The following C5 variants were observed in gnomAD, a reference collection of about 807,000 sequenced individuals.
The protein encoded by C5 is complement C5.
A neutral mutation model predicts 218.8 loss-of-function variants in C5; 140 were observed. The observed-to-expected ratio is 0.64, with a 90% CI of 0.56 to 0.74. C5 has a LOEUF of 0.74. Among genes scored for constraint, C5 ranks in the 30% least tolerant of loss-of-function variants. C5 has a pLI of 0.00. For synonymous variants in C5, 614 were observed against 682.3 expected (o/e 0.90, Z 1.56); for missense variants, 1,700 against 1,969.6 (o/e 0.86, Z 2.59).
rs141698150 is a variant in C5 at position 120,961,904 on chromosome 9, A to C, written c.4505-339T>G. Among the ~76,000 whole-genome samples the C allele has an allele frequency of 5.3e-5, 8 of 152,320 alleles. No individual in the cohort carries two copies. The East Asian group carries it at 1.5e-3, about 29-fold the overall frequency. On this transcript the variant is annotated intron_variant, in intron 36 of 40. Transcript: ENST00000223642. Reference sequence around the variant, plus strand: ...TGTTTAGGGTGGACAAGGGAAGAAAAGCATATATCTATGTATCTCTATATA... The same window carrying C: ...TGTTTAGGGTGGACAAGGGAAGAAACGCATATATCTATGTATCTCTATATA...
chr9:121,068,107 A>G, the C5 span, among the ~76,000 whole-genome samples: 22 of 152,222 alleles, frequency 1.4e-4, no homozygotes, highest in Non-Finnish European at 2.9e-4. Context: ...ACTTCTAATC[A>G]ACATAGATTG....
Position 120,980,139 on chromosome 9 carries a change from G to C in C5, c.3602C>G (p.Thr1201Ser). Residue 1201 changes from threonine (T) to serine (S), a missense_variant, in exon 28 of 41, where the codon ACT (threonine) becomes AGT (serine). Physicochemically the swap from Thr to Ser is moderately conservative, Grantham distance 58. Coordinates refer to ENST00000223642, the MANE Select transcript of C5 (RefSeq NM_001735.3). ...AACAATTGAACGAAACTGTGGGTGA[G>C]TTTTATCTCCCAGGGAAAGAGCATA... is the stretch of plus-strand genomic sequence containing the variant. ...SAYALSLGDK[T>S]HPQFRSIVSA... 6.2e-7 allele frequency: 1 copy of C among 1,614,108 alleles called. No homozygotes were observed. Among genetic ancestry groups the C allele is most frequent in the Non-Finnish European group, 8.5e-7 (1 of 1,179,988 alleles).
chr9:120,982,641 T>C lies in C5; in HGVS notation c.3390+14A>G, dbSNP rs2047003392. ...AATAAAACTATTGCTAATTTGTGCATTTGGTTTCCTTACCTGTAATTTTAT... is the reference window on the plus strand; with the variant it reads ...AATAAAACTATTGCTAATTTGTGCACTTGGTTTCCTTACCTGTAATTTTAT... On this transcript the variant is annotated intron_variant, in intron 26 of 40. Transcript: ENST00000223642. The C allele has an allele frequency of 1.3e-6, 2 of 1,581,460 alleles. No homozygotes were observed. Among genetic ancestry groups the C allele is most frequent in the East Asian group, 2.2e-5 (1 of 44,518 alleles).
the C5 span, chr9:121,074,841 G>A: frequency 2.2e-6 from 1 of 456,236 alleles, no homozygotes; most frequent in Non-Finnish European, 4.4e-6. Context: ...CGGCATCCTA[G>A]CGCGCTGGCT....
the C5 span, among the ~76,000 whole-genome samples, chr9:121,063,543 T>C: frequency 1.6e-4 from 25 of 152,250 alleles, no homozygotes; most frequent in African/African-American, 5.8e-4. Context: ...ATTATATCTT[T>C]TCCTTGTATG....
chr9:120,997,486 C>G (rs1389257844), intron 21 of C5, 61 bp downstream of exon 21: 15 of 1,228,632 alleles, frequency 1.2e-5, no homozygotes, highest in Middle Eastern at 2.6e-4. Context: ...TCTCCCCCCC[C>G]TTTCTGTGTC....
intron 38 of C5, 80 bp downstream of exon 38, chr9:120,960,168 A>G (rs1172591279): frequency 1.1e-6 from 1 of 878,998 alleles, no homozygotes; most frequent in Non-Finnish European, 1.9e-6. Context: ...ATCACTATAT[A>G]AAGTTTTTGA....
intron 6 of C5, among the ~76,000 whole-genome samples, chr9:121,031,282 T>C (rs1239494918): frequency 6.6e-6 from 1 of 152,144 alleles, no homozygotes; most frequent in Non-Finnish European, 1.5e-5. Context: ...ATTAATATAA[T>C]TTATTTCAAA....
At chr9:121,008,385 G>T in intron 18 of C5, 23 bp downstream of exon 18, 1 of 1,551,346 alleles carries the variant, frequency 6.4e-7, no homozygotes, top group Non-Finnish European at 8.9e-7. Context: ...TTCTTTCAAG[G>T]AAACATGAAA....
chr9:121,001,857 C>A (rs1472645225), intron 20 of C5, among the ~76,000 whole-genome samples: 1 of 151,868 alleles, frequency 6.6e-6, no homozygotes, highest in Non-Finnish European at 1.5e-5. Flanking sequence ...TAGTTCACTC[C>A]AAGACAAAAC....
intron 17 of C5, among the ~76,000 whole-genome samples, chr9:121,013,002 T>G (rs1211341811): frequency 6.6e-6 from 1 of 152,108 alleles, no homozygotes; most frequent in Non-Finnish European, 1.5e-5. Flanking sequence ...GAAGCTGTCA[T>G]TTTGCTTTTG....
chr9:121,041,913 G>C (rs2047584852), intron 3 of C5, among the ~76,000 whole-genome samples: 1 of 152,094 alleles, frequency 6.6e-6, no homozygotes, highest in African/African-American at 2.4e-5. Flanking sequence ...CCCCCTTTAG[G>C]CTTTTCCTTT....
At chr9:121,028,883 T>C (rs991066501) in intron 7 of C5, among the ~76,000 whole-genome samples, 5 of 152,174 alleles carry the variant, frequency 3.3e-5, no homozygotes, top group Admixed American at 1.3e-4. Context: ...CATTTCATCC[T>C]CATAAAGCCA....
At chr9:120,985,767 C>T (rs1405335355) in intron 25 of C5, among the ~76,000 whole-genome samples, 2 of 152,188 alleles carry the variant, frequency 1.3e-5, no homozygotes, top group Non-Finnish European at 2.9e-5. Flanking sequence ...GTAAACCCAT[C>T]ACTTCATTTT....
In C5 at chr9:121,017,411, T is replaced by G. The variant is rs1187154471; in HGVS notation, c.1817A>C (p.Asp606Ala). 1 of 1,614,014 alleles carries G rather than the reference T, an allele frequency of 6.2e-7. No individual in the cohort carries two copies. Among genetic ancestry groups the G allele is most frequent in the Non-Finnish European group, 8.5e-7 (1 of 1,179,966 alleles). Residue 606 changes from aspartate (D) to alanine (A), a missense_variant, in exon 14 of 41, where the codon GAC (aspartate) becomes GCC (alanine). Asp to Ala is a moderately radical substitution (Grantham distance 126, BLOSUM62 -2). Coordinates refer to ENST00000223642, the MANE Select transcript of C5 (RefSeq NM_001735.3). ...MDSWVALAAV[D>A]SAVYGVQRGA... ...TCTTTGGACTCCATACACAGCACTG[T>G]CCACTGCTGCTAATGCCACCCAGGA... is the stretch of plus-strand genomic sequence containing the variant.
At chr9:120,997,091 T>C (rs954174502) in intron 21 of C5, among the ~76,000 whole-genome samples, 2 of 152,128 alleles carry the variant, frequency 1.3e-5, no homozygotes, top group Non-Finnish European at 2.9e-5. Flanking sequence ...GCAAGTTCTT[T>C]AAATTCAAGG....
chr9:120,994,863 A>G (rs887053024), intron 22 of C5, among the ~76,000 whole-genome samples: 3 of 151,938 alleles, frequency 2.0e-5, no homozygotes, highest in Non-Finnish European at 2.9e-5. Flanking sequence ...AGGATGAGTA[A>G]GGCAAGACTG....
intron 16 of C5, 38 bp downstream of exon 16, chr9:121,015,161 A>G: frequency 7.6e-7 from 1 of 1,322,208 alleles, no homozygotes; most frequent in Non-Finnish European, 1.1e-6. Flanking sequence ...GAATGATATG[A>G]CCATAACCTT....
chr9:120,983,612 T>A (rs1346135662), intron 25 of C5, among the ~76,000 whole-genome samples: 1 of 152,132 alleles, frequency 6.6e-6, no homozygotes, highest in Non-Finnish European at 1.5e-5. Flanking sequence ...AATCCAAAAG[T>A]GAAGCCTGGG....
Sources: allele counts gnomAD v4.1 joint callset (sites outside exome capture counted in the v4.1 genomes callset), GRCh38; gene constraint gnomAD v4.1.1; transcripts MANE v1.5; gene names NCBI Gene and HGNC (gene_info 2026-07-23, HGNC 2026-07-21).